The following EPHA6 variants were observed in gnomAD, a reference collection of about 807,000 sequenced individuals.
EPHA6 encodes the protein EPH receptor A6.
EPHA6 carries 50 observed loss-of-function variants against 112.0 expected under a neutral mutation model. That is an observed-to-expected ratio of 0.45 (90% CI 0.36 to 0.56). The LOEUF (loss-of-function observed/expected upper bound fraction) is 0.56, where lower values mean the gene tolerates loss of function less well. EPHA6 is among the 20% of genes least tolerant of loss of function. EPHA6 has a pLI of 0.00. For missense variants in EPHA6, 1,280 were observed against 1,417.4 expected, an observed-to-expected ratio of 0.90 and a Z score of 1.56; for synonymous variants, 529 against 490.7, an observed-to-expected ratio of 1.08 and a Z score of -1.03.
intron 3 of EPHA6, among the ~76,000 whole-genome samples, chr3:97,136,126 C>T (rs2075762596): frequency 6.6e-6 from 1 of 151,996 alleles, no homozygotes; most frequent in Non-Finnish European, 1.5e-5. Context: ...AGAAAACATC[C>T]CCAGTTATGC....
intron 6 of EPHA6, among the ~76,000 whole-genome samples, chr3:97,439,841 T>C (rs891674604): frequency 6.6e-6 from 1 of 152,172 alleles, no homozygotes; most frequent in East Asian, 1.9e-4. Context: ...AGAATCAGTG[T>C]GAGCTGAAAG....
chr3:97,228,085 C>G (rs952897524), intron 4 of EPHA6, among the ~76,000 whole-genome samples: 27 of 152,024 alleles, frequency 1.8e-4, no homozygotes, highest in African/African-American at 6.5e-4. Flanking sequence ...TAGTCGGGAT[C>G]CCAGTTTTAA....
chr3:97,049,066 G>A (rs996919289), intron 3 of EPHA6, among the ~76,000 whole-genome samples: 1 of 152,192 alleles, frequency 6.6e-6, no homozygotes, highest in African/African-American at 2.4e-5. Flanking sequence ...GAAGCATATC[G>A]GAAGAACATC....
intron 2 of EPHA6, among the ~76,000 whole-genome samples, chr3:96,952,583 C>T (rs1191264574): frequency 6.6e-6 from 1 of 152,030 alleles, no homozygotes; most frequent in African/African-American, 2.4e-5. Flanking sequence ...AAATTGTGAG[C>T]AAAATAAAGT....
At chr3:97,237,549 A>G (rs1281141083) in intron 4 of EPHA6, among the ~76,000 whole-genome samples, 1 of 152,002 alleles carries the variant, frequency 6.6e-6, no homozygotes, top group Non-Finnish European at 1.5e-5. Flanking sequence ...GTTGTATCTC[A>G]GAAAGAATTG....
intron 4 of EPHA6, among the ~76,000 whole-genome samples, chr3:97,235,232 C>A (rs1490408631): frequency 6.6e-6 from 1 of 152,026 alleles, no homozygotes; most frequent in Non-Finnish European, 1.5e-5. Context: ...ATTCTGTCCA[C>A]AAGAGACTAC....
intron 5 of EPHA6, among the ~76,000 whole-genome samples, chr3:97,349,719 C>T (rs982590072): frequency 6.6e-6 from 1 of 151,982 alleles, no homozygotes; most frequent in Admixed American, 6.6e-5. Flanking sequence ...GGAAAAGTAT[C>T]AGTTTTGCCC....
rs546431292 is a variant in EPHA6, at chr3:97,610,712, G to T, written c.2513-81G>T. 4.4e-5 allele frequency: 47 copies of T among 1,064,554 alleles called. 1 individual carries two copies. The African/African-American group carries it at 7.0e-4, about 16-fold the overall frequency. 65.9% of individuals were successfully genotyped at this position (1,064,554 alleles called of 1,614,324 possible). A position where few individuals can be genotyped will look rare whatever the true frequency, so the allele number is the denominator to read the frequency against. ...TTAATAAAATACAAATAATTTAGTT[G>T]CCACAGCTGGGTATCTCTTAACTGC... On this transcript the variant is annotated intron_variant, in intron 12 of 17. Coordinates refer to ENST00000389672, the MANE Select transcript of EPHA6 (RefSeq NM_001080448.3).
At chr3:97,124,213 C>T (rs777998667) in intron 3 of EPHA6, among the ~76,000 whole-genome samples, 8 of 151,538 alleles carry the variant, frequency 5.3e-5, no homozygotes, top group Non-Finnish European at 8.8e-5. Context: ...TAGAATCAAT[C>T]CCAAATAACA....
chr3:97,179,909 C>T (rs1467112376), intron 3 of EPHA6, among the ~76,000 whole-genome samples: 1 of 152,020 alleles, frequency 6.6e-6, no homozygotes, highest in Non-Finnish European at 1.5e-5. Context: ...TGCATGTGTT[C>T]ACTCAAGACC....
intron 2 of EPHA6, among the ~76,000 whole-genome samples, chr3:96,921,533 A>G (rs1475365398): frequency 6.6e-6 from 1 of 151,980 alleles, no homozygotes; most frequent in Non-Finnish European, 1.5e-5. Context: ...GAAGATTATG[A>G]CATAAATTAA....
intron 14 of EPHA6, among the ~76,000 whole-genome samples, chr3:97,660,341 T>C (rs2094161810): frequency 6.6e-6 from 1 of 152,126 alleles, no homozygotes; most frequent in African/African-American, 2.4e-5. Flanking sequence ...CATGTCTTGC[T>C]ACTCCCTAGA....
At chr3:97,146,722 T>G (rs1006518384) in intron 3 of EPHA6, among the ~76,000 whole-genome samples, 3 of 152,010 alleles carry the variant, frequency 2.0e-5, no homozygotes, top group Non-Finnish European at 4.4e-5. Flanking sequence ...TTGAAAACTC[T>G]TCTTTATCTT....
intron 5 of EPHA6, among the ~76,000 whole-genome samples, chr3:97,326,520 A>G (rs142724491): frequency 4.5e-4 from 68 of 152,178 alleles, no homozygotes; most frequent in African/African-American, 1.6e-3. Context: ...ATCTTCAGAG[A>G]TTTAACTACC....
intron 3 of EPHA6, among the ~76,000 whole-genome samples, chr3:97,022,343 A>G (rs1205118804): frequency 6.6e-6 from 1 of 152,166 alleles, no homozygotes; most frequent in Non-Finnish European, 1.5e-5. Flanking sequence ...CTCTCTAGGT[A>G]GCATCTTCCT....
At chr3:97,171,651 A>G (rs1245640834) in intron 3 of EPHA6, among the ~76,000 whole-genome samples, 2 of 152,142 alleles carry the variant, frequency 1.3e-5, no homozygotes, top group Non-Finnish European at 2.9e-5. Context: ...TACCAGAATT[A>G]TAGCAAACTA....
At chr3:97,275,972 G>A (rs1197274132) in intron 5 of EPHA6, among the ~76,000 whole-genome samples, 3 of 152,250 alleles carry the variant, frequency 2.0e-5, no homozygotes, top group Middle Eastern at 3.4e-3. Flanking sequence ...AGCTGGGCAG[G>A]CGGGGATAAC....
intron 2 of EPHA6, among the ~76,000 whole-genome samples, chr3:96,914,893 A>C (rs138624630): frequency 1.3e-5 from 2 of 152,152 alleles, no homozygotes; most frequent in East Asian, 3.9e-4. Context: ...AATTTACTTT[A>C]GCAAAATGAC....
At chr3:97,639,562 C>T (rs1385411120) in intron 14 of EPHA6, among the ~76,000 whole-genome samples, 1 of 152,068 alleles carries the variant, frequency 6.6e-6, no homozygotes, top group Non-Finnish European at 1.5e-5. Context: ...AATTACTACA[C>T]TCTTTGTGGC....
Sources: gnomAD v4.1 joint callset for allele counts (sites outside exome capture counted in the v4.1 genomes callset) on GRCh38, gnomAD v4.1.1 for gene constraint, MANE v1.5 for transcripts, NCBI Gene and HGNC (gene_info 2026-07-23, HGNC 2026-07-21) for gene names.